Variants in RASSF3 observed in about 807,000 individuals in gnomAD.
The protein encoded by RASSF3 is ras association domain-containing protein 3.
Under a neutral mutation model 19.9 loss-of-function variants are expected in RASSF3, and 19 were observed. The ratio of observed to expected loss-of-function variants is 0.96; its 90% confidence interval spans 0.67 to 1.40. The LOEUF (loss-of-function observed/expected upper bound fraction) is 1.40. Among genes scored for constraint, RASSF3 ranks in the 40% most tolerant of loss-of-function variants. RASSF3 has a pLI of 0.00. For missense variants in RASSF3, 306 were observed against 289.8 expected, an observed-to-expected ratio of 1.06 and a Z score of -0.41; for synonymous variants, 110 against 104.2, an observed-to-expected ratio of 1.06 and a Z score of -0.34.
rs534222373 is a variant in RASSF3, at chr12:64,587,929, C to A, written c.294+46224C>A. ...ATGGTATTAACTAAATGAACACCAC[C>A]CCCAGCTGCATCTTTAAGTTTCTAT... is the stretch of plus-strand genomic sequence containing the variant. On this transcript the variant is annotated intron_variant, in intron 2 of 5. Transcript: ENST00000637125. Among the ~76,000 whole-genome samples, 5 of 152,234 alleles carry A rather than the reference C, an allele frequency of 3.3e-5. No homozygotes were observed. In the South Asian group the frequency reaches 6.2e-4, roughly 19 times the overall value.
At chr12:64,621,126 G>A (rs1174335220) in intron 1 of RASSF3, among the ~76,000 whole-genome samples, 1 of 152,018 alleles carries the variant, frequency 6.6e-6, no homozygotes, top group Non-Finnish European at 1.5e-5. Context: ...AGTAGAGATG[G>A]GGTTTCACCA....
In RASSF3 at chr12:64,691,518, T is replaced by TGGTAGCAGGGCCCAGAA; in HGVS notation, c.507_523dup (p.Thr175ArgfsTer2). ...CGGGAACATCCACTCTACCTGCGTTTGGTAGCAGGGCCCAGAACAGACACA... is the reference window on the plus strand; with the variant it reads ...CGGGAACATCCACTCTACCTGCGTTTGGTAGCAGGGCCCAGAAGGTAGCAGGGCCCAGAACAGACACA... On this transcript the variant is annotated frameshift_variant, in exon 4 of 5. Coordinates refer to ENST00000542104, the MANE Select transcript of RASSF3 (RefSeq NM_178169.4). LOFTEE classifies it high-confidence loss of function. 1 of 1,614,132 alleles carries TGGTAGCAGGGCCCAGAA rather than the reference T, an allele frequency of 6.2e-7. No individual in the cohort carries two copies. The highest frequency in any genetic ancestry group is 1.3e-5 in the African/African-American group (1 of 75,056).
At chr12:64,514,519 C>T (rs1160127746) in intron 1 of RASSF3, among the ~76,000 whole-genome samples, 3 of 151,956 alleles carry the variant, frequency 2.0e-5, no homozygotes, top group East Asian at 1.9e-4. Context: ...AGTAGTGTTT[C>T]GATAGGTGCA....
chr12:64,595,001 A>G (rs1196817016), intron 2 of RASSF3, among the ~76,000 whole-genome samples: 1 of 151,064 alleles, frequency 6.6e-6, no homozygotes, highest in African/African-American at 2.4e-5. Flanking sequence ...ACACACACAC[A>G]CATGCACACT....
chr12:64,592,303 T>C (rs1388404851), intron 2 of RASSF3, among the ~76,000 whole-genome samples: 1 of 152,220 alleles, frequency 6.6e-6, no homozygotes, highest in East Asian at 1.9e-4. Context: ...GGTTATTCCA[T>C]ATCAGTGTAC....
chr12:64,580,933 T>A (rs1009644828), intron 2 of RASSF3, among the ~76,000 whole-genome samples: 29 of 152,002 alleles, frequency 1.9e-4, no homozygotes, highest in African/African-American at 6.8e-4. Flanking sequence ...CAACCACACG[T>A]ACCAGGGGTT....
intron 1 of RASSF3, among the ~76,000 whole-genome samples, chr12:64,620,181 A>C (rs1328720906): frequency 6.6e-6 from 1 of 151,972 alleles, no homozygotes; most frequent in Non-Finnish European, 1.5e-5. Flanking sequence ...TAGATAAGTG[A>C]ATTTGTGTAG....
intron 3 of RASSF3, among the ~76,000 whole-genome samples, chr12:64,689,528 A>G (rs538866697): frequency 2.6e-5 from 4 of 152,288 alleles, no homozygotes; most frequent in Non-Finnish European, 4.4e-5. Flanking sequence ...GATGCAGTGC[A>G]TCTGGAAGTG....
chr12:64,667,476 G>A (rs1371058304), intron 1 of RASSF3, among the ~76,000 whole-genome samples: 1 of 152,188 alleles, frequency 6.6e-6, no homozygotes, highest in South Asian at 2.1e-4. Context: ...ACAGGTGTGA[G>A]CCACTGCGCC....
At chr12:64,613,635 A>C (rs1231634141) in intron 1 of RASSF3, among the ~76,000 whole-genome samples, 2 of 152,144 alleles carry the variant, frequency 1.3e-5, no homozygotes, top group Non-Finnish European at 2.9e-5. Flanking sequence ...ACAACAACAA[A>C]AATGGAAAAG....
chr12:64,636,047 AT>A (rs1280218490), intron 1 of RASSF3, among the ~76,000 whole-genome samples: 1 of 152,158 alleles, frequency 6.6e-6, no homozygotes, highest in Non-Finnish European at 1.5e-5. Context: ...GGTGGAAATG[AT>A]AATGATTGTA....
At chr12:64,690,210 C>G (rs983679430) in intron 3 of RASSF3, among the ~76,000 whole-genome samples, 1 of 151,698 alleles carries the variant, frequency 6.6e-6, no homozygotes. Context: ...GAGACGGAGT[C>G]TTGCTCTGTT....
intron 1 of RASSF3, among the ~76,000 whole-genome samples, chr12:64,534,030 A>G (rs1868770883): frequency 6.6e-6 from 1 of 152,190 alleles, no homozygotes; most frequent in South Asian, 2.1e-4. Flanking sequence ...AGGCCAAGGT[A>G]GGAGGATTGC....
chr12:64,551,618 T>C (rs570153890), intron 2 of RASSF3, among the ~76,000 whole-genome samples: 2 of 152,324 alleles, frequency 1.3e-5, no homozygotes, highest in African/African-American at 4.8e-5. Flanking sequence ...GTCTACTACT[T>C]AGCATTGCTG....
intron 1 of RASSF3, among the ~76,000 whole-genome samples, chr12:64,681,869 G>A (rs761035856): frequency 4.0e-4 from 61 of 152,272 alleles, no homozygotes; most frequent in Middle Eastern, 3.4e-3. Context: ...GCTAGGCGCA[G>A]TGGTGCTTGT....
chr12:64,655,816 C>A (rs1357017693), intron 1 of RASSF3, among the ~76,000 whole-genome samples: 1 of 151,920 alleles, frequency 6.6e-6, no homozygotes, highest in Non-Finnish European at 1.5e-5. Flanking sequence ...CACGTGAGGT[C>A]AGGAGTTCGA....
intron 4 of RASSF3, among the ~76,000 whole-genome samples, 161 bp downstream of exon 4, chr12:64,691,740 A>AGGGGGATGGGAAGAGAAGG (rs1234620769): frequency 6.6e-6 from 1 of 151,878 alleles, no homozygotes; most frequent in Non-Finnish European, 1.5e-5. Context: ...GGAGAGGGAG[A>AGGGGGATGGGAAGAGAAGG]GGGATTTTGA....
intron 1 of RASSF3, among the ~76,000 whole-genome samples, chr12:64,526,967 C>CT (rs1358578614): frequency 6.6e-6 from 1 of 152,168 alleles, no homozygotes; most frequent in African/African-American, 2.4e-5. Context: ...TGGCAGAATC[C>CT]TTTTTTTAAA....
At chr12:64,657,152 C>T (rs1241903818) in intron 1 of RASSF3, among the ~76,000 whole-genome samples, 2 of 152,014 alleles carry the variant, frequency 1.3e-5, no homozygotes, top group African/African-American at 4.8e-5. Context: ...GCTGGGACTA[C>T]AGGCCCACGC....
Sources: gnomAD v4.1 joint callset for allele counts (sites outside exome capture counted in the v4.1 genomes callset) on GRCh38, gnomAD v4.1.1 for gene constraint, MANE v1.5 for transcripts, NCBI Gene and HGNC (gene_info 2026-07-23, HGNC 2026-07-21) for gene names.